SYT7: variants seen among roughly 807,000 people sequenced by gnomAD.
The protein encoded by SYT7 is synaptotagmin-7.
Under a neutral mutation model 75.1 loss-of-function variants are expected in SYT7, and 29 were observed. The ratio of observed to expected loss-of-function variants is 0.39; its 90% confidence interval spans 0.29 to 0.53. The LOEUF is 0.53. Ranked by LOEUF, SYT7 falls within the 20% of genes least tolerant of loss-of-function variation. The pLI is 0.77. For synonymous variants in SYT7, 376 were observed against 401.7 expected (o/e 0.94, Z 0.76); for missense variants, 693 against 953.2 (o/e 0.73, Z 3.59).
intron 12 of SYT7, among the ~76,000 whole-genome samples, chr11:61,519,694 A>G (rs570821014): frequency 6.6e-6 from 1 of 152,356 alleles, no homozygotes; most frequent in Admixed American, 6.5e-5. Flanking sequence ...AGCTGTGACG[A>G]ATGTCCCATC....
At chr11:61,562,048 GCA>G (rs68109297) in intron 1 of SYT7, among the ~76,000 whole-genome samples, 5,722 of 149,082 alleles carry the variant, frequency 0.038, 322 homozygotes, top group African/African-American at 0.12. Context: ...ACACACATAT[GCA>G]CACACACACA....
upstream of SYT7, among the ~76,000 whole-genome samples, chr11:61,583,745 G>T (rs942530877): frequency 6.6e-6 from 1 of 152,212 alleles, no homozygotes; most frequent in African/African-American, 2.4e-5. Context: ...GTCAGAGCTG[G>T]ACAGCTCCTC....
intron 8 of SYT7, 118 bp from the exon 9 acceptor site, chr11:61,528,303 C>A: frequency 7.8e-7 from 1 of 1,279,576 alleles, no homozygotes. Context: ...ACTCACATCC[C>A]ACGGACGCTG....
At chr11:61,587,863 C>T in the SYT7 span, among the ~76,000 whole-genome samples, 1 of 151,962 alleles carries the variant, frequency 6.6e-6, no homozygotes, top group African/African-American at 2.4e-5. Flanking sequence ...GACAAATTAC[C>T]GCGGACCTGA....
intron 7 of SYT7, among the ~76,000 whole-genome samples, chr11:61,536,146 G>A (rs1057324980): frequency 2.6e-5 from 4 of 152,096 alleles, no homozygotes; most frequent in Non-Finnish European, 4.4e-5. Flanking sequence ...GGTGGGAATG[G>A]CACGGTCCAC....
In SYT7 at chr11:61,516,889, G is replaced by T; in HGVS notation, c.*1738C>A. 5.1e-6 allele frequency: 1 copy of T among 196,072 alleles called. No individual in the cohort carries two copies. Among genetic ancestry groups the T allele is most frequent in the Non-Finnish European group, 1.0e-5 (1 of 97,614 alleles). The allele number at this position is 196,072 out of a possible 1,614,324, so 12.1% of individuals were successfully genotyped here. On this transcript the variant is annotated 3_prime_UTR_variant, in exon 13 of 13. Transcript: ENST00000539008. The surrounding 1 kb of genome is among the most constrained non-coding windows in gnomAD (Gnocchi z 4.6). ...ATTTAATTTCAGAAAATTTCGGTAT[G>T]GGCAAAAGGCGACCCGTCTACTGCA...
upstream of SYT7, among the ~76,000 whole-genome samples, chr11:61,585,947 TG>T (rs1432548335): frequency 6.6e-6 from 1 of 152,212 alleles, no homozygotes; most frequent in Non-Finnish European, 1.5e-5. Flanking sequence ...CACACAAAGA[TG>T]TGAGAATACC....
intron 1 of SYT7, among the ~76,000 whole-genome samples, chr11:61,568,087 C>T (rs1345469638): frequency 6.6e-6 from 1 of 152,152 alleles, no homozygotes; most frequent in Non-Finnish European, 1.5e-5. Flanking sequence ...GGCAGAGGCT[C>T]CACACCTCTC....
chr11:61,536,292 G>A (rs1432996460), intron 7 of SYT7, among the ~76,000 whole-genome samples: 7 of 152,186 alleles, frequency 4.6e-5, no homozygotes, highest in African/African-American at 1.7e-4. Flanking sequence ...AGACCTAAGT[G>A]GCAAGGAGGT....
chr11:61,559,844 C>T (rs983868615), intron 1 of SYT7, among the ~76,000 whole-genome samples: 4 of 152,192 alleles, frequency 2.6e-5, no homozygotes, highest in Non-Finnish European at 4.4e-5. Context: ...ACAAAACACC[C>T]ATCTTAAGCA....
intron 9 of SYT7, among the ~76,000 whole-genome samples, chr11:61,525,321 C>T (rs940228697): frequency 6.6e-6 from 1 of 152,208 alleles, no homozygotes; most frequent in Non-Finnish European, 1.5e-5. Context: ...AGCCGGGCAC[C>T]CTACCTTGGC....
In SYT7 at chr11:61,528,049, G is replaced by C; in HGVS notation, c.1337C>G (p.Pro446Arg). The change falls in exon 9 of 13, where the codon CCG becomes CGG. Residue 446 changes from proline (P) to arginine (R), a missense_variant. Around this residue, in one of 2 missense-constraint regions of SYT7, gnomAD observed 206 missense variants for 360.0 expected, o/e 0.57. Coordinates refer to ENST00000539008, the MANE Select transcript of SYT7 (RefSeq NM_001365809.2). ...GCTGGTGCCGCTGAAGTCCTTGGCC[G>C]GCAGCTCCTGGGCCTTCATGATCTT... Reference protein sequence around the residue: ...TVKIMKAQELPAKDFSGTSDP... With the variant: ...TVKIMKAQELRAKDFSGTSDP... 1 of 1,614,060 alleles carries C rather than the reference G, an allele frequency of 6.2e-7. No homozygotes were observed. The highest frequency in any genetic ancestry group is 8.5e-7 in the Non-Finnish European group (1 of 1,180,022).
intron 2 of SYT7, among the ~76,000 whole-genome samples, chr11:61,552,959 A>G (rs1204537558): frequency 2.6e-5 from 4 of 152,180 alleles, no homozygotes; most frequent in Non-Finnish European, 5.9e-5. Flanking sequence ...CCACAGAGGC[A>G]AGGCTGTGGG....
the SYT7 span, among the ~76,000 whole-genome samples, chr11:61,586,686 C>T: frequency 1.3e-5 from 2 of 152,138 alleles, no homozygotes; most frequent in African/African-American, 4.8e-5. Context: ...AGATGAAAAG[C>T]CCCTGGCCCA....
chr11:61,540,098 T>C (rs928028519), intron 6 of SYT7: 4 of 152,178 alleles, frequency 2.6e-5, no homozygotes, highest in South Asian at 2.1e-4. Flanking sequence ...CCAGAACAGC[T>C]CCTCTGCATA....
rs560719854 is a variant in SYT7 at position 61,531,289 on chromosome 11, C to A, written c.1200+1700G>T. Reference sequence around the variant, plus strand: ...TCCTTCCGCTGGCTGCAGCTGTCGGCCCTTCCCTGGGGGCAGCAAGGGGCA... The same window carrying A: ...TCCTTCCGCTGGCTGCAGCTGTCGGACCTTCCCTGGGGGCAGCAAGGGGCA... On this transcript the variant is annotated intron_variant, in intron 8 of 12. Transcript: ENST00000539008. 3.9e-5 allele frequency among the ~76,000 whole-genome samples: 6 copies of A among 152,374 alleles called. No homozygotes were observed. In the East Asian group the frequency reaches 1.2e-3, roughly 29 times the overall value.
chr11:61,534,286 C>T (rs1224188854), intron 7 of SYT7, among the ~76,000 whole-genome samples: 2 of 152,220 alleles, frequency 1.3e-5, no homozygotes, highest in Admixed American at 6.5e-5. Context: ...CACAGGTGAC[C>T]ACGACAGGCA....
intron 5 of SYT7, among the ~76,000 whole-genome samples, chr11:61,543,584 C>A: frequency 6.6e-6 from 1 of 152,206 alleles, no homozygotes; most frequent in East Asian, 1.9e-4. Flanking sequence ...CTCTCTGGGC[C>A]TCAGTTTCTT....
At chr11:61,519,910 T>C (rs2135023494) in intron 12 of SYT7, among the ~76,000 whole-genome samples, 1 of 152,296 alleles carries the variant, frequency 6.6e-6, no homozygotes, top group East Asian at 1.9e-4. Flanking sequence ...AACCTCCGCC[T>C]CCCAGGTTCA....
Sources: allele counts gnomAD v4.1 joint callset (sites outside exome capture counted in the v4.1 genomes callset), GRCh38; gene constraint gnomAD v4.1.1; regional missense constraint gnomAD v4.1.1; non-coding constraint Gnocchi (gnomAD v3.1); transcripts MANE v1.5; gene names NCBI Gene and HGNC (gene_info 2026-07-23, HGNC 2026-07-21).